The following FBXO25 variants were observed in gnomAD, a reference collection of about 807,000 sequenced individuals.
FBXO25 encodes F-box only protein 25.
A neutral mutation model predicts 51.9 loss-of-function variants in FBXO25; 45 were observed. That is an observed-to-expected ratio of 0.87 (90% confidence interval 0.68 to 1.11). FBXO25 has a LOEUF of 1.11. Ranked by LOEUF, FBXO25 falls within the 50% of genes most tolerant of loss-of-function variation. FBXO25 has a pLI of 0.00. For synonymous variants in FBXO25, 199 were observed against 151.0 expected, an observed-to-expected ratio of 1.32 and a Z score of -2.33; for missense variants, 507 against 428.5, an observed-to-expected ratio of 1.18 and a Z score of -1.62.
intron 6 of FBXO25, 84 bp downstream of exon 6, chr8:450,167 C>T: frequency 1.1e-6 from 1 of 948,276 alleles, no homozygotes; most frequent in East Asian, 2.5e-5. Flanking sequence ...TTTATCTTTA[C>T]CCAGTACACA....
intron 5 of FBXO25, among the ~76,000 whole-genome samples, chr8:436,810 G>C (rs1276564274): frequency 6.6e-6 from 1 of 152,198 alleles, no homozygotes; most frequent in Non-Finnish European, 1.5e-5. Flanking sequence ...AGACCATACT[G>C]AGTTGCTTTA....
chr8:413,308 A>C lies in FBXO25; in HGVS notation c.134+95A>C, dbSNP rs1036043206. On this transcript the variant is annotated intron_variant, in intron 2 of 9. Transcript: ENST00000350302. Reference sequence around the variant, plus strand: ...TCCCTGCAAAGCTCCATAACTTTTGAGACTTGCCCACCCAGAAGGCTGGTG... The same window carrying C: ...TCCCTGCAAAGCTCCATAACTTTTGCGACTTGCCCACCCAGAAGGCTGGTG... 20 of 1,365,242 alleles carry C rather than the reference A, an allele frequency of 1.5e-5. No homozygotes were observed. The African/African-American group carries it at 2.7e-4, about 18-fold the overall frequency. The allele number at this position is 1,365,242 out of a possible 1,614,324, so 84.6% of individuals were successfully genotyped here. A position where few individuals can be genotyped will look rare whatever the true frequency, so the allele number is the denominator to read the frequency against.
chr8:437,320 C>G (rs1394331976), intron 5 of FBXO25, among the ~76,000 whole-genome samples: 1 of 152,204 alleles, frequency 6.6e-6, no homozygotes, highest in Non-Finnish European at 1.5e-5. Flanking sequence ...TCCAAAGCAC[C>G]TCTCAGATGT....
intron 5 of FBXO25, among the ~76,000 whole-genome samples, chr8:448,295 A>G (rs13280485): frequency 0.091 from 13,901 of 152,244 alleles, 811 homozygotes; most frequent in South Asian, 0.15. Flanking sequence ...AGAACAGGTT[A>G]TGAGTGTGCC....
intron 2 of FBXO25, among the ~76,000 whole-genome samples, chr8:421,422 A>T (rs928841797): frequency 1.3e-5 from 2 of 152,218 alleles, no homozygotes; most frequent in Non-Finnish European, 2.9e-5. Flanking sequence ...TTTTGACAGG[A>T]TGCTGTAAGG....
In FBXO25 at chr8:431,084, G is replaced by A. The variant is rs958321859; in HGVS notation, c.135-257G>A. Among the ~76,000 whole-genome samples, 12 of 152,240 alleles carry A rather than the reference G, an allele frequency of 7.9e-5. No homozygotes were observed. In the East Asian group the frequency reaches 2.3e-3, roughly 29 times the overall value. Reference sequence around the variant, plus strand: ...CTCTGTTTTAATAAGGCATTTTGATGTTTGAAACTACCTTGGATAAGTATA... The same window carrying A: ...CTCTGTTTTAATAAGGCATTTTGATATTTGAAACTACCTTGGATAAGTATA... On this transcript the variant is annotated intron_variant, in intron 2 of 9. Coordinates refer to ENST00000350302, the MANE Select transcript of FBXO25 (RefSeq NM_183420.2).
At chr8:460,455 A>G (rs1799737375) in intron 8 of FBXO25, among the ~76,000 whole-genome samples, 1 of 151,348 alleles carries the variant, frequency 6.6e-6, no homozygotes, top group East Asian at 1.9e-4. Flanking sequence ...TAAGGCCCTG[A>G]AAAAAAAAGC....
intron 5 of FBXO25, among the ~76,000 whole-genome samples, chr8:438,128 C>T (rs1167293445): frequency 6.6e-6 from 1 of 151,766 alleles, no homozygotes; most frequent in Non-Finnish European, 1.5e-5. Flanking sequence ...GATCTCTGCT[C>T]ACTGCAACCT....
intron 5 of FBXO25, among the ~76,000 whole-genome samples, chr8:439,173 T>C (rs547612602): frequency 4.4e-4 from 67 of 152,312 alleles, no homozygotes; most frequent in African/African-American, 1.6e-3. Context: ...CTGTGGTTTT[T>C]ACACATTTGT....
Position 468,907 on chromosome 8 carries a change from T to G in FBXO25, c.*103T>G. On this transcript the variant is annotated 3_prime_UTR_variant, in exon 10 of 10. Coordinates refer to ENST00000350302, the MANE Select transcript of FBXO25 (RefSeq NM_183420.2). ...TGGGTGGAGACTCCTCGGAAGCCCC[T>G]GCTTCCAGAAAGCCTGGGAAGAACT... 1 of 1,066,814 alleles carries G rather than the reference T, an allele frequency of 9.4e-7. No individual in the cohort carries two copies. Among genetic ancestry groups the G allele is most frequent in the Non-Finnish European group, 1.3e-6 (1 of 756,578 alleles). The allele number at this position is 1,066,814 out of a possible 1,614,324, so 66.1% of individuals were successfully genotyped here. A position where few individuals can be genotyped will look rare whatever the true frequency, so the allele number is the denominator to read the frequency against.
At chr8:465,788 G>C (rs1031924255) in intron 9 of FBXO25, among the ~76,000 whole-genome samples, 3 of 152,212 alleles carry the variant, frequency 2.0e-5, no homozygotes, top group Non-Finnish European at 2.9e-5. Flanking sequence ...GAGCATCTCA[G>C]ATTTTTGGAT....
rs1484697713 is a variant in FBXO25 at position 477,652 on chromosome 8, GC to G, written c.*8849del. 2.3e-4 allele frequency: 35 copies of G among 152,196 alleles called. No individual in the cohort carries two copies. The highest frequency in any genetic ancestry group is 8.0e-4 in the African/African-American group (33 of 41,404). The allele number at this position is 152,196 out of a possible 1,614,324, so 9.4% of individuals were successfully genotyped here. On this transcript the variant is annotated 3_prime_UTR_variant, in exon 10 of 10. Coordinates refer to ENST00000350302, the MANE Select transcript of FBXO25 (RefSeq NM_183420.2). ...TTGGAGCAGATGGTAAAGATTGTTG[GC>G]TTTTCCAGCCATGGGGCTCTCTTGC...
chr8:410,250 C>T (rs1451030526), intron 1 of FBXO25, among the ~76,000 whole-genome samples: 1 of 152,134 alleles, frequency 6.6e-6, no homozygotes, highest in Non-Finnish European at 1.5e-5. Flanking sequence ...TATTATATTA[C>T]ACTTGTATGG....
chr8:445,983 T>G (rs2116689901), intron 5 of FBXO25, among the ~76,000 whole-genome samples: 1 of 152,176 alleles, frequency 6.6e-6, no homozygotes, highest in South Asian at 2.1e-4. Flanking sequence ...GAGTTCAGTC[T>G]TCCATAATGT....
chr8:468,290 T>C (rs1800322416), intron 9 of FBXO25: 3 of 1,016,602 alleles, frequency 3.0e-6, no homozygotes, highest in Non-Finnish European at 3.5e-6. Flanking sequence ...CAGGGATGAA[T>C]GGCGGGTGGA....
Position 476,477 on chromosome 8 carries a change from T to C in FBXO25, c.*7673T>C, listed in dbSNP as rs1275140620. The stretch of plus-strand genomic sequence containing the variant: ...TCAGATGTTTGCCAGAATTCCCATA[T>C]GACCCTGGGCTTTTCTTTCTTGGGA... On this transcript the variant is annotated 3_prime_UTR_variant, in exon 10 of 10. Transcript: ENST00000350302. 1.3e-5 allele frequency: 2 copies of C among 152,214 alleles called. No homozygotes were observed. The highest frequency in any genetic ancestry group is 1.9e-4 in the East Asian group (1 of 5,206). 9.4% of individuals were successfully genotyped at this position (152,214 alleles called of 1,614,324 possible). A position where few individuals can be genotyped will look rare whatever the true frequency, so the allele number is the denominator to read the frequency against.
chr8:466,189 A>C (rs1198523123), intron 9 of FBXO25, among the ~76,000 whole-genome samples: 2 of 152,196 alleles, frequency 1.3e-5, no homozygotes, highest in Non-Finnish European at 2.9e-5. Context: ...TAACCCCTCA[A>C]GATGTCAGGT....
intron 2 of FBXO25, among the ~76,000 whole-genome samples, chr8:419,500 A>G (rs1206783661): frequency 6.6e-6 from 1 of 152,234 alleles, no homozygotes; most frequent in Non-Finnish European, 1.5e-5. Flanking sequence ...ATAAGTCCAT[A>G]CAGATATGGT....
At position 417,410 on chromosome 8, in the gene FBXO25, G is replaced by A. The variant is rs181669824; in HGVS notation, c.134+4197G>A. ...ATCATGGCTTAGAGAGAAAGGAGGCGGTGGATGAGGAAGGGCTCAAATCCT... is the reference window on the plus strand; with the variant it reads ...ATCATGGCTTAGAGAGAAAGGAGGCAGTGGATGAGGAAGGGCTCAAATCCT... On this transcript the variant is annotated intron_variant, in intron 2 of 9. Coordinates refer to ENST00000350302, the MANE Select transcript of FBXO25 (RefSeq NM_183420.2). 2.5e-3 allele frequency among the ~76,000 whole-genome samples: 387 copies of A among 152,316 alleles called. 1 individual carries two copies. Among genetic ancestry groups the A allele is most frequent in the African/African-American group, 8.2e-3 (339 of 41,580 alleles).
Sources: allele counts gnomAD v4.1 joint callset (sites outside exome capture counted in the v4.1 genomes callset), GRCh38; gene constraint gnomAD v4.1.1; transcripts MANE v1.5; gene names NCBI Gene and HGNC (gene_info 2026-07-23, HGNC 2026-07-21).